The following CAMTA1 variants were observed in gnomAD, a reference collection of about 807,000 sequenced individuals.
The protein encoded by CAMTA1 is calmodulin-binding transcription activator 1.
In CAMTA1, 27 loss-of-function variants were observed where a neutral mutation model predicts 170.9. The ratio of observed to expected loss-of-function variants is 0.16; its 90% confidence interval spans 0.12 to 0.22. CAMTA1 has a LOEUF of 0.22. Ranked by LOEUF, CAMTA1 falls within the 10% of genes least tolerant of loss-of-function variation. The pLI, the probability that CAMTA1 is intolerant of heterozygous loss-of-function variation, is 1.00. For synonymous variants in CAMTA1, 833 were observed against 891.5 expected, an observed-to-expected ratio of 0.93 and a Z score of 1.17; for missense variants, 1,619 against 2,217.2, an observed-to-expected ratio of 0.73 and a Z score of 5.42.
Position 7,142,079 on chromosome 1 carries a change from A to G in CAMTA1, c.302+50708A>G. The G allele has an allele frequency of 5.8e-6, 3 of 518,352 alleles. No individual in the cohort carries two copies. In the Admixed American group the frequency reaches 5.8e-5, roughly 10 times the overall value. The allele number at this position is 518,352 out of a possible 1,614,324, so 32.1% of individuals were successfully genotyped here. On this transcript the variant is annotated intron_variant, in intron 4 of 22. Transcript: ENST00000303635. The stretch of plus-strand genomic sequence containing the variant: ...GGCCCTTGCTAAGCTGCTTGGATCC[A>G]GCTCTTCCTGGTACCCCTTCTGTTA...
At chr1:7,105,479 C>G (rs1055816905) in intron 4 of CAMTA1, among the ~76,000 whole-genome samples, 3 of 152,164 alleles carry the variant, frequency 2.0e-5, no homozygotes, top group Non-Finnish European at 2.9e-5. Context: ...TGGGGTGGCT[C>G]GGAGGCAGAG....
rs1472984077 is a variant in CAMTA1, at chr1:7,224,439, GAGA to G, written c.303-25049_303-25047del. Reference sequence around the variant, plus strand: ...GAAAAACCAGCAGCTGGCTGAATCTGAGAAGGTTTTCATGTTCCCAACGAGATC... The same window carrying G: ...GAAAAACCAGCAGCTGGCTGAATCTGAGGTTTTCATGTTCCCAACGAGATC... On this transcript the variant is annotated intron_variant, in intron 4 of 22. Transcript: ENST00000303635. This position sits in a 1 kb window ranked among gnomAD's most constrained non-coding sequence, Gnocchi z 5.2. Among the ~76,000 whole-genome samples the G allele has an allele frequency of 1.3e-5, 2 of 152,170 alleles. No homozygotes were observed. The highest frequency in any genetic ancestry group is 4.8e-5 in the African/African-American group (2 of 41,436).
Position 7,505,690 on chromosome 1 carries a change from T to C in CAMTA1, c.510+37789T>C, listed in dbSNP as rs529920225. ...CCACATGAGGCAGCACATTTGGGTC[T>C]GGCAGAAGTGTTGACAGATAACCTT... On this transcript the variant is annotated intron_variant, in intron 6 of 22. Transcript: ENST00000303635. 1.1e-4 allele frequency among the ~76,000 whole-genome samples: 16 copies of C among 152,284 alleles called. No homozygotes were observed. In the South Asian group the frequency reaches 3.3e-3, roughly 32 times the overall value.
intron 9 of CAMTA1, among the ~76,000 whole-genome samples, chr1:7,668,360 C>A (rs1250926830): frequency 6.6e-6 from 1 of 151,276 alleles, no homozygotes; most frequent in Non-Finnish European, 1.5e-5. Flanking sequence ...TCTGTCCACC[C>A]CTTCACCTCC....
At chr1:7,307,343 T>C (rs1454104269) in intron 5 of CAMTA1, among the ~76,000 whole-genome samples, 1 of 145,688 alleles carries the variant, frequency 6.9e-6, no homozygotes, top group Non-Finnish European at 1.5e-5. Flanking sequence ...TTTTTTTTTT[T>C]CTGTAAATTT....
intron 3 of CAMTA1, among the ~76,000 whole-genome samples, chr1:7,085,278 C>G (rs888028022): frequency 6.6e-6 from 1 of 152,210 alleles, no homozygotes; most frequent in Non-Finnish European, 1.5e-5. Flanking sequence ...TGACCTCTCA[C>G]GTAGGGCCCG....
chr1:6,894,689 G>T (rs1007560805), intron 3 of CAMTA1, among the ~76,000 whole-genome samples: 1 of 152,184 alleles, frequency 6.6e-6, no homozygotes, highest in African/African-American at 2.4e-5. Context: ...TGCTGAACCT[G>T]TATTTAAATC....
intron 6 of CAMTA1, among the ~76,000 whole-genome samples, chr1:7,536,588 C>G (rs910585493): frequency 1.3e-5 from 2 of 152,116 alleles, no homozygotes; most frequent in African/African-American, 4.8e-5. Context: ...TATTCTGGAA[C>G]AAAACTAGGA....
rs548605868 is a variant in CAMTA1 at position 7,057,883 on chromosome 1, A to C, written c.235-33421A>C. Among the ~76,000 whole-genome samples the C allele has an allele frequency of 2.1e-3, 317 of 152,206 alleles. 5 individuals carry two copies. The highest frequency in any genetic ancestry group is 7.7e-4 in the East Asian group (4 of 5,168). Reference sequence around the variant, plus strand: ...TTTTGGAGCCACAGCTGGTAAGGAGACTTCCTATCTGAGGATGCCCCCTTC... The same window carrying C: ...TTTTGGAGCCACAGCTGGTAAGGAGCCTTCCTATCTGAGGATGCCCCCTTC... On this transcript the variant is annotated intron_variant, in intron 3 of 22. Transcript: ENST00000303635.
In CAMTA1 at chr1:7,737,944, T is replaced by C. The variant is rs2096783850; in HGVS notation, c.3659-15T>C. 2.5e-6 allele frequency: 4 copies of C among 1,586,514 alleles called. No homozygotes were observed. The highest frequency in any genetic ancestry group is 2.2e-5 in the East Asian group (1 of 44,474). On this transcript the variant is annotated splice_polypyrimidine_tract_variant and intron_variant, in intron 15 of 22. Coordinates refer to ENST00000303635, the MANE Select transcript of CAMTA1 (RefSeq NM_015215.4). ...TATCTCCTGTCCTGACTATCCTTTC[T>C]ACTGTACTTTTCAGAGCTGAGAAGA...
intron 20 of CAMTA1, 45 bp downstream of exon 20, chr1:7,751,437 G>A: frequency 6.7e-7 from 1 of 1,491,124 alleles, no homozygotes; most frequent in South Asian, 1.3e-5. Context: ...CTAGGGAAGA[G>A]AACTCTGACT....
intron 5 of CAMTA1, among the ~76,000 whole-genome samples, chr1:7,310,167 T>C (rs1296904107): frequency 6.6e-6 from 1 of 152,252 alleles, no homozygotes; most frequent in African/African-American, 2.4e-5. Flanking sequence ...AATTTTACTT[T>C]CATTCCTGAA....
chr1:7,179,239 C>G (rs559792493), intron 4 of CAMTA1, among the ~76,000 whole-genome samples: 16 of 152,300 alleles, frequency 1.1e-4, no homozygotes, highest in African/African-American at 3.8e-4. Context: ...AATATCTATG[C>G]ATGAAATAAC....
chr1:6,816,664 G>C (rs1645852871), intron 1 of CAMTA1, among the ~76,000 whole-genome samples: 1 of 152,206 alleles, frequency 6.6e-6, no homozygotes, highest in Admixed American at 6.5e-5. Flanking sequence ...GTGTTGTCCT[G>C]TGGACACAGT....
chr1:7,756,251 C>T (rs1035714126), intron 22 of CAMTA1, among the ~76,000 whole-genome samples: 2 of 151,976 alleles, frequency 1.3e-5, no homozygotes, highest in Non-Finnish European at 2.9e-5. Context: ...ACAAGGCTGC[C>T]CTTTCAGAAC....
chr1:7,192,269 G>T (rs1301235116), intron 4 of CAMTA1, among the ~76,000 whole-genome samples: 1 of 152,230 alleles, frequency 6.6e-6, no homozygotes, highest in Non-Finnish European at 1.5e-5. Flanking sequence ...TGGGGTCAAG[G>T]TTTGACAAGC....
At position 7,184,094 on chromosome 1, in the gene CAMTA1, T is replaced by C. The variant is rs149328074; in HGVS notation, c.303-65397T>C. Reference sequence around the variant, plus strand: ...TCATTTGCAACAACATGGATGGAACTGGAGGCCATTGTGTTAAGTGAAATA... The same window carrying C: ...TCATTTGCAACAACATGGATGGAACCGGAGGCCATTGTGTTAAGTGAAATA... On this transcript the variant is annotated intron_variant, in intron 4 of 22. Transcript: ENST00000303635. Among the ~76,000 whole-genome samples, 328 of 152,284 alleles carry C rather than the reference T, an allele frequency of 2.2e-3. 1 individual carries two copies. The highest frequency in any genetic ancestry group is 7.6e-3 in the African/African-American group (314 of 41,548).
chr1:6,855,519 G>C (rs1661987855), intron 3 of CAMTA1, among the ~76,000 whole-genome samples: 1 of 151,810 alleles, frequency 6.6e-6, no homozygotes, highest in Non-Finnish European at 1.5e-5. Context: ...CGGATCTCCT[G>C]AGAACTCAAT....
intron 21 of CAMTA1, 100 bp from the exon 22 acceptor site, chr1:7,755,537 AC>A (rs2096926009): frequency 1.1e-6 from 1 of 921,572 alleles, no homozygotes; most frequent in African/African-American, 1.6e-5. Flanking sequence ...CAAAAAAGAA[AC>A]CATGTTATAT....
Sources: allele counts gnomAD v4.1 joint callset (sites outside exome capture counted in the v4.1 genomes callset), GRCh38; gene constraint gnomAD v4.1.1; non-coding constraint Gnocchi (gnomAD v3.1); transcripts MANE v1.5; gene names NCBI Gene and HGNC (gene_info 2026-07-23, HGNC 2026-07-21).